The following STAU2 variants were observed in gnomAD, a reference collection of about 807,000 sequenced individuals.
STAU2 encodes double-stranded RNA-binding protein Staufen homolog 2.
Under a neutral mutation model 65.9 loss-of-function variants are expected in STAU2, and 20 were observed. The ratio of observed to expected loss-of-function variants is 0.30; its 90% CI spans 0.21 to 0.44. The LOEUF is 0.44. Ranked by LOEUF, STAU2 falls within the 20% of genes least tolerant of loss-of-function variation. The pLI is 1.00. For synonymous variants in STAU2, 232 were observed against 233.9 expected, an observed-to-expected ratio of 0.99 and a Z score of 0.07; for missense variants, 558 against 683.9, an observed-to-expected ratio of 0.82 and a Z score of 2.05.
intron 13 of STAU2, among the ~76,000 whole-genome samples, chr8:73,439,513 G>A (rs576792234): frequency 1.3e-5 from 2 of 152,312 alleles, no homozygotes; most frequent in South Asian, 4.2e-4. Flanking sequence ...AGCTACTCAA[G>A]AGCCTGAGGC....
Position 73,457,945 on chromosome 8 carries a change from T to C in STAU2, c.1531-35243A>G, listed in dbSNP as rs1335633781. ...CAGGAGAGGGACCTAGGCACGGGGT[T>C]GGAGGAGGGCACTGAGGACTTAAGG... On this transcript the variant is annotated intron_variant, in intron 13 of 14. Transcript: ENST00000524300. 3.9e-5 allele frequency among the ~76,000 whole-genome samples: 6 copies of C among 152,140 alleles called. No homozygotes were observed. The East Asian group carries it at 9.6e-4, about 24-fold the overall frequency.
intron 3 of STAU2, among the ~76,000 whole-genome samples, chr8:73,711,395 T>C (rs936639772): frequency 2.0e-5 from 3 of 152,030 alleles, no homozygotes; most frequent in African/African-American, 7.2e-5. Context: ...CAATTTAATA[T>C]CAAAAAGCAA....
chr8:73,516,540 G>C (rs1406937887), intron 13 of STAU2, among the ~76,000 whole-genome samples: 1 of 152,038 alleles, frequency 6.6e-6, no homozygotes, highest in African/African-American at 2.4e-5. Flanking sequence ...TGCCAACTTA[G>C]AAACAAAGAG....
intron 3 of STAU2, among the ~76,000 whole-genome samples, chr8:73,728,268 ACT>A (rs1256802704): frequency 6.6e-6 from 1 of 151,992 alleles, no homozygotes; most frequent in African/African-American, 2.4e-5. Flanking sequence ...TTAATTCTGG[ACT>A]CTCAATTCTA....
rs146399492 is a variant in STAU2, at chr8:73,696,149, C to T, written c.115-7336G>A. Among the ~76,000 whole-genome samples, 418 of 152,314 alleles carry T rather than the reference C, an allele frequency of 2.7e-3. 2 individuals carry two copies. Among genetic ancestry groups the T allele is most frequent in the Middle Eastern group, 6.8e-3 (2 of 294 alleles). The stretch of plus-strand genomic sequence containing the variant: ...TGCCTGGTAATCCTGAGAATTCTTC[C>T]GGATCTTATCCAAGGCTGCCAAGGC... On this transcript the variant is annotated intron_variant, in intron 4 of 14. Transcript: ENST00000524300.
chr8:73,620,599 G>A (rs529644621), intron 6 of STAU2, among the ~76,000 whole-genome samples: 2 of 152,202 alleles, frequency 1.3e-5, no homozygotes, highest in South Asian at 4.1e-4. Flanking sequence ...TCCCTTTTTG[G>A]TCATCAAATA....
At chr8:73,530,083 G>T (rs1805711578) in intron 13 of STAU2, among the ~76,000 whole-genome samples, 1 of 152,170 alleles carries the variant, frequency 6.6e-6, no homozygotes, top group Non-Finnish European at 1.5e-5. Flanking sequence ...CGAGGACAAA[G>T]GCCAAAACCT....
At chr8:73,425,083 T>C (rs544653105) in intron 13 of STAU2, among the ~76,000 whole-genome samples, 13 of 152,288 alleles carry the variant, frequency 8.5e-5, no homozygotes, top group African/African-American at 3.1e-4. Flanking sequence ...GGGTGGGAGC[T>C]GTGTGGCCAT....
chr8:73,482,327 G>T (rs1479592097), intron 13 of STAU2, among the ~76,000 whole-genome samples: 1 of 143,828 alleles, frequency 7.0e-6, no homozygotes, highest in Non-Finnish European at 1.5e-5. Flanking sequence ...AAAGAAAACA[G>T]AAAGATTTAT....
rs137887925 is a variant in STAU2 at position 73,492,239 on chromosome 8, C to T, written c.1530+59773G>A. On this transcript the variant is annotated intron_variant, in intron 13 of 14. Coordinates refer to ENST00000524300, the MANE Select transcript of STAU2 (RefSeq NM_001164380.2). Reference sequence around the variant, plus strand: ...AAGCTACTATTATGTCAGAAAATTACCAGGTATCCATTAAATGAGCTCAGA... The same window carrying T: ...AAGCTACTATTATGTCAGAAAATTATCAGGTATCCATTAAATGAGCTCAGA... Among the ~76,000 whole-genome samples, 2 of 151,824 alleles carry T rather than the reference C, an allele frequency of 1.3e-5. 1 individual carries two copies. Among genetic ancestry groups the T allele is most frequent in the South Asian group, 4.2e-4 (2 of 4,818 alleles).
intron 13 of STAU2, among the ~76,000 whole-genome samples, chr8:73,469,329 T>C (rs967166062): frequency 5.9e-4 from 90 of 151,902 alleles, no homozygotes; most frequent in African/African-American, 2.2e-3. Context: ...TGGGGAGGGA[T>C]AGCATTAGGA....
intron 12 of STAU2, among the ~76,000 whole-genome samples, chr8:73,555,110 TCTCA>T (rs1409099525): frequency 4.0e-5 from 6 of 151,672 alleles, no homozygotes; most frequent in Non-Finnish European, 8.8e-5. Flanking sequence ...GTGATAGGGG[TCTCA>T]CTAGAGACAG....
intron 9 of STAU2, among the ~76,000 whole-genome samples, chr8:73,606,211 T>C (rs904186867): frequency 6.6e-6 from 1 of 151,520 alleles, no homozygotes; most frequent in Non-Finnish European, 1.5e-5. Context: ...AAACTAATAA[T>C]AATAAAATGA....
At chr8:73,425,752 C>T (rs749492596) in intron 13 of STAU2, among the ~76,000 whole-genome samples, 1 of 152,044 alleles carries the variant, frequency 6.6e-6, no homozygotes, top group Non-Finnish European at 1.5e-5. Context: ...TCCTGCTCAC[C>T]ATTCACATCT....
intron 5 of STAU2, among the ~76,000 whole-genome samples, chr8:73,687,505 T>A (rs1194575970): frequency 2.8e-5 from 4 of 142,644 alleles, no homozygotes; most frequent in Admixed American, 7.2e-5. Context: ...ATATAGTTTT[T>A]TATATATATA....
chr8:73,530,750 G>T (rs1305288191), intron 13 of STAU2, among the ~76,000 whole-genome samples: 1 of 152,124 alleles, frequency 6.6e-6, no homozygotes, highest in Non-Finnish European at 1.5e-5. Flanking sequence ...AAAACAAAAA[G>T]ATAAAGGAAG....
chr8:73,509,161 T>C (rs190130727), intron 13 of STAU2, among the ~76,000 whole-genome samples: 8 of 152,200 alleles, frequency 5.3e-5, no homozygotes, highest in African/African-American at 1.7e-4. Context: ...CCAACATTTA[T>C]TATGGTCTTT....
chr8:73,679,662 G>A (rs1053150019), intron 5 of STAU2, among the ~76,000 whole-genome samples: 2 of 137,426 alleles, frequency 1.5e-5, no homozygotes, highest in African/African-American at 5.7e-5. Context: ...TGAGTGGATC[G>A]CTTGAGCCCA....
At chr8:73,716,146 T>C (rs1821235379) in intron 3 of STAU2, among the ~76,000 whole-genome samples, 1 of 150,546 alleles carries the variant, frequency 6.6e-6, no homozygotes. Flanking sequence ...TGGAGTGCAG[T>C]GGTGTGATCT....
Sources: gnomAD v4.1 joint callset for allele counts (sites outside exome capture counted in the v4.1 genomes callset) on GRCh38, gnomAD v4.1.1 for gene constraint, MANE v1.5 for transcripts, NCBI Gene and HGNC (gene_info 2026-07-23, HGNC 2026-07-21) for gene names.